Variants in SEL1L3 observed in about 807,000 individuals in gnomAD.
The protein encoded by SEL1L3 is protein sel-1 homolog 3.
SEL1L3 carries 76 observed loss-of-function variants against 142.8 expected under a neutral mutation model. The observed-to-expected ratio is 0.53, with a 90% CI of 0.44 to 0.64. The LOEUF (loss-of-function observed/expected upper bound fraction) is 0.64, where lower values mean the gene tolerates loss of function less well. Ranked by LOEUF, SEL1L3 falls within the 30% of genes least tolerant of loss-of-function variation. The pLI, the probability that SEL1L3 is intolerant of heterozygous loss-of-function variation, is 0.00. For missense variants in SEL1L3, 1,262 were observed against 1,381.7 expected, an observed-to-expected ratio of 0.91 and a Z score of 1.37; for synonymous variants, 504 against 519.6, an observed-to-expected ratio of 0.97 and a Z score of 0.41.
In SEL1L3 at chr4:25,779,210, CAA is replaced by C; in HGVS notation, c.2458-9_2458-8del. 6.2e-7 allele frequency: 1 copy of C among 1,612,310 alleles called. No homozygotes were observed. The highest frequency in any genetic ancestry group is 8.5e-7 in the Non-Finnish European group (1 of 1,178,910). The stretch of plus-strand genomic sequence containing the variant: ...AATATTCACCAGCTAAAGTCTGTAA[CAA>C]GAGATGAACAAACATCGAGTCATCC... On this transcript the variant is annotated splice_region_variant and splice_polypyrimidine_tract_variant and intron_variant, in intron 15 of 23. Coordinates refer to ENST00000399878, the MANE Select transcript of SEL1L3 (RefSeq NM_015187.5).
the SEL1L3 span, chr4:25,720,969 G>C: frequency 2.0e-5 from 3 of 152,110 alleles, no homozygotes; most frequent in African/African-American, 7.2e-5. Context: ...TCTGGGACCG[G>C]GGCTAGACTA....
At chr4:25,755,465 TGTAAA>T (rs1717894163) in intron 23 of SEL1L3, among the ~76,000 whole-genome samples, 2 of 152,078 alleles carry the variant, frequency 1.3e-5, no homozygotes, top group South Asian at 2.1e-4. Context: ...TTTCCTCATC[TGTAAA>T]GTAAAGGGCA....
At chr4:25,849,548 G>A (rs1168455491) in intron 1 of SEL1L3, among the ~76,000 whole-genome samples, 3 of 152,182 alleles carry the variant, frequency 2.0e-5, no homozygotes, top group Middle Eastern at 3.2e-3. Context: ...TGAGGAGTTA[G>A]GATTTAATGG....
intron 1 of SEL1L3, chr4:25,862,048 T>C (rs1405276448): frequency 6.6e-6 from 1 of 152,176 alleles, no homozygotes; most frequent in African/African-American, 2.4e-5. Context: ...GCAGCTAAAG[T>C]CACCACTCTG....
chr4:25,782,177 C>A (rs930582919), intron 15 of SEL1L3, 65 bp downstream of exon 15: 1 of 1,469,748 alleles, frequency 6.8e-7, no homozygotes, highest in Non-Finnish European at 9.4e-7. Flanking sequence ...CACAGTGTAC[C>A]TTCAACAAAT....
At chr4:25,813,080 C>G (rs1338206924) in intron 9 of SEL1L3, among the ~76,000 whole-genome samples, 1 of 152,152 alleles carries the variant, frequency 6.6e-6, no homozygotes, top group Non-Finnish European at 1.5e-5. Context: ...AATTGGAACC[C>G]TTGTGCACCG....
the SEL1L3 span, among the ~76,000 whole-genome samples, chr4:25,714,109 A>G: frequency 6.6e-6 from 1 of 152,088 alleles, no homozygotes; most frequent in African/African-American, 2.4e-5. Flanking sequence ...TTGCTCTTCC[A>G]AAAAAATTTT....
At chr4:25,780,660 T>C (rs1443170209) in intron 15 of SEL1L3, among the ~76,000 whole-genome samples, 2 of 150,896 alleles carry the variant, frequency 1.3e-5, no homozygotes, top group Non-Finnish European at 1.5e-5. Context: ...CTTGGTTCCC[T>C]GGTTTCCCTT....
At chr4:25,855,196 G>C (rs1160844284) in intron 1 of SEL1L3, among the ~76,000 whole-genome samples, 2 of 152,214 alleles carry the variant, frequency 1.3e-5, no homozygotes, top group African/African-American at 2.4e-5. Context: ...CTGACTTCCT[G>C]GCTCAAGTCA....
intron 23 of SEL1L3, among the ~76,000 whole-genome samples, chr4:25,752,870 C>T (rs1172874671): frequency 1.3e-5 from 2 of 152,260 alleles, no homozygotes; most frequent in Admixed American, 1.3e-4. Flanking sequence ...ATCTGCCTGC[C>T]TTGGCCTCCC....
In SEL1L3 at chr4:25,765,339, T is replaced by C. The variant is rs1207312794; in HGVS notation, c.2942A>G (p.Asp981Gly). ...GTTGCTGTTTACCTGGGAGTCTCCA[T>C]CCAGGGCGGCTTGGGCGTACATCTG... ...SVQMYAQAALDGDSQGFFNLA... is the reference protein window; with the variant it reads ...SVQMYAQAALGGDSQGFFNLA... The change falls in exon 20 of 24, where the codon GAT becomes GGT. Residue 981 changes from aspartate (D) to glycine (G), a missense_variant. Asp to Gly is a moderately conservative substitution (Grantham distance 94, BLOSUM62 -1). Coordinates refer to ENST00000399878, the MANE Select transcript of SEL1L3 (RefSeq NM_015187.5). The C allele has an allele frequency of 6.2e-7, 1 of 1,611,862 alleles. No individual in the cohort carries two copies. Among genetic ancestry groups the C allele is most frequent in the African/African-American group, 1.3e-5 (1 of 74,852 alleles).
In SEL1L3 at chr4:25,776,286, T is replaced by G. The variant is rs924711006; in HGVS notation, c.2660A>C (p.Glu887Ala). Residue 887 changes from glutamate to alanine, a missense_variant, in exon 17 of 24, where the codon GAA becomes GCA. Coordinates refer to ENST00000399878, the MANE Select transcript of SEL1L3 (RefSeq NM_015187.5). ...VIRKGLNAYL[E>A]GSWHEALLYY... ...TGGATCCCAAGCTTACCATGAACCT[T>G]CCAGGTAGGCATTGAGGCCTTTGCG... is the stretch of plus-strand genomic sequence containing the variant. The G allele has an allele frequency of 9.9e-6, 16 of 1,611,028 alleles. No individual in the cohort carries two copies. The highest frequency in any genetic ancestry group is 6.7e-5 in the East Asian group (3 of 44,860).
chr4:25,771,976 C>T (rs988772809), intron 17 of SEL1L3, among the ~76,000 whole-genome samples: 3 of 152,188 alleles, frequency 2.0e-5, no homozygotes, highest in Non-Finnish European at 1.5e-5. Flanking sequence ...AAAGCACAAG[C>T]TCATCAAACT....
chr4:25,804,328 G>A (rs759252152), intron 10 of SEL1L3, among the ~76,000 whole-genome samples: 3 of 152,142 alleles, frequency 2.0e-5, no homozygotes, highest in Non-Finnish European at 2.9e-5. Context: ...TCCCCCCAAG[G>A]CCTGTCTAGA....
chr4:25,783,627 A>ATGTGTGCATG (rs1465594233), intron 14 of SEL1L3, among the ~76,000 whole-genome samples: 6 of 152,318 alleles, frequency 3.9e-5, no homozygotes, highest in African/African-American at 1.2e-4. Context: ...GTGTATGTAT[A>ATGTGTGCATG]TGTGTGCATG....
chr4:25,827,795 A>G (rs1715188004), intron 6 of SEL1L3, among the ~76,000 whole-genome samples: 1 of 151,754 alleles, frequency 6.6e-6, no homozygotes, highest in South Asian at 2.1e-4. Context: ...ATGAAATTCA[A>G]CCAGTGGTCG....
At chr4:25,755,433 C>T (rs989371056) in intron 23 of SEL1L3, among the ~76,000 whole-genome samples, 3 of 151,994 alleles carry the variant, frequency 2.0e-5, no homozygotes, top group African/African-American at 7.2e-5. Context: ...TTTGGGCAAG[C>T]TACTTCGCCT....
chr4:25,736,243 G>GTGTGTGTGTGTGTGTGTGTGTGTGTGT, the SEL1L3 span, among the ~76,000 whole-genome samples: 2 of 148,306 alleles, frequency 1.3e-5, no homozygotes, highest in African/African-American at 2.5e-5. Context: ...GTGTGTGTGT[G>GTGTGTGTGTGTGTGTGTGTGTGTGTGT]ATGGAGTTTT....
At chr4:25,748,714 T>A in intron 23 of SEL1L3, 150 bp from the exon 24 acceptor site, 1 of 709,190 alleles carries the variant, frequency 1.4e-6, no homozygotes, top group South Asian at 2.2e-5. Context: ...GGACCCGTTA[T>A]CTAAGTTTAA....
Sources: gnomAD v4.1 joint callset for allele counts (sites outside exome capture counted in the v4.1 genomes callset) on GRCh38, gnomAD v4.1.1 for gene constraint, MANE v1.5 for transcripts, NCBI Gene and HGNC (gene_info 2026-07-23, HGNC 2026-07-21) for gene names.